Variants in CRPPA observed in about 807,000 individuals in gnomAD.
CRPPA encodes the protein D-ribitol-5-phosphate cytidylyltransferase.
CRPPA carries 43 observed loss-of-function variants against 52.0 expected under a neutral mutation model. That is an observed-to-expected ratio of 0.83 (90% CI 0.65 to 1.07). The LOEUF (loss-of-function observed/expected upper bound fraction) is 1.07. Ranked by LOEUF, CRPPA falls within the 50% of genes least tolerant of loss-of-function variation. The probability of loss-of-function intolerance (pLI) is 0.00; values close to 1 mark genes in which losing one functional copy is unlikely to be tolerated. For missense variants in CRPPA, 629 were observed against 551.7 expected, an observed-to-expected ratio of 1.14 and a Z score of -1.40; for synonymous variants, 250 against 203.5, an observed-to-expected ratio of 1.23 and a Z score of -1.94.
chr7:16,188,901 T>A (rs569772852), intron 9 of CRPPA, among the ~76,000 whole-genome samples: 1 of 152,322 alleles, frequency 6.6e-6, no homozygotes, highest in South Asian at 2.1e-4. Flanking sequence ...CCTTGAGAAG[T>A]TGCTTAACAA....
At chr7:16,338,833 T>G in intron 3 of CRPPA, among the ~76,000 whole-genome samples, 1 of 90,386 alleles carries the variant, frequency 1.1e-5, no homozygotes, top group South Asian at 3.0e-4. Flanking sequence ...TTTTTTTTTT[T>G]GAGACAGAGT....
chr7:16,385,792 G>C (rs1465669310), intron 2 of CRPPA, among the ~76,000 whole-genome samples: 1 of 152,140 alleles, frequency 6.6e-6, no homozygotes, highest in Non-Finnish European at 1.5e-5. Context: ...CCCCTCACAG[G>C]ACCTGCAACA....
rs1583591561 is a variant in CRPPA, at chr7:16,414,813, G to T, written c.257+6253C>A. 7.2e-5 allele frequency among the ~76,000 whole-genome samples: 11 copies of T among 152,290 alleles called. No homozygotes were observed. In the South Asian group the frequency reaches 1.9e-3, roughly 26 times the overall value. On this transcript the variant is annotated intron_variant, in intron 1 of 9. Transcript: ENST00000407010. ...ACATTTTTAATCAACTTCTGAAAGG[G>T]TCTAGTTCCCAGCATAAAGTAGAAA...
At chr7:16,194,751 T>C (rs897160525) in intron 9 of CRPPA, among the ~76,000 whole-genome samples, 1 of 152,064 alleles carries the variant, frequency 6.6e-6, no homozygotes, top group Non-Finnish European at 1.5e-5. Flanking sequence ...CCAAACTGAA[T>C]GATAGAGTAG....
intron 6 of CRPPA, among the ~76,000 whole-genome samples, chr7:16,263,707 G>A (rs932727044): frequency 2.6e-5 from 4 of 151,710 alleles, no homozygotes; most frequent in South Asian, 2.1e-4. Context: ...AGCTGAGATC[G>A]TGCCACTGCA....
At chr7:16,290,977 G>C (rs946395723) in intron 5 of CRPPA, among the ~76,000 whole-genome samples, 3 of 151,934 alleles carry the variant, frequency 2.0e-5, no homozygotes, top group Non-Finnish European at 2.9e-5. Flanking sequence ...GACACGAATA[G>C]GCATTTCTTA....
At chr7:16,140,363 C>T (rs1468644875) in intron 9 of CRPPA, among the ~76,000 whole-genome samples, 1 of 151,882 alleles carries the variant, frequency 6.6e-6, no homozygotes, top group Non-Finnish European at 1.5e-5. Flanking sequence ...TGGGGTTTCA[C>T]CATGTTGCCC....
chr7:16,130,869 G>A (rs1782668527), intron 9 of CRPPA, among the ~76,000 whole-genome samples: 1 of 152,056 alleles, frequency 6.6e-6, no homozygotes, highest in Non-Finnish European at 1.5e-5. Context: ...GGGTGATTAG[G>A]TCATAAGGAC....
chr7:16,332,771 TGTA>T (rs1583526533), intron 3 of CRPPA, among the ~76,000 whole-genome samples: 3 of 152,124 alleles, frequency 2.0e-5, no homozygotes, highest in Admixed American at 1.3e-4. Context: ...AGTTTAAAAA[TGTA>T]GTCAATATTA....
At chr7:16,162,339 C>G (rs1006795342) in intron 9 of CRPPA, among the ~76,000 whole-genome samples, 3 of 152,188 alleles carry the variant, frequency 2.0e-5, no homozygotes, top group African/African-American at 7.2e-5. Flanking sequence ...CCTCTAAACA[C>G]TGCTTTAGCT....
At chr7:16,164,819 A>G (rs1218955457) in intron 9 of CRPPA, among the ~76,000 whole-genome samples, 1 of 152,102 alleles carries the variant, frequency 6.6e-6, no homozygotes, top group Non-Finnish European at 1.5e-5. Context: ...CTGTTTGCCC[A>G]CGTATTGCCA....
In CRPPA at chr7:16,121,529, C is replaced by A. The variant is rs115446778; in HGVS notation, c.1252-29730G>T. 6.6e-3 allele frequency among the ~76,000 whole-genome samples: 996 copies of A among 152,052 alleles called. 13 individuals are homozygous for A. The highest frequency in any genetic ancestry group is 0.022 in the African/African-American group (916 of 41,498). ...CTTGAAAATTGGGACACTAATGATT[C>A]CCGAATTTGCAATATCCAGACAAAA... is the stretch of plus-strand genomic sequence containing the variant. On this transcript the variant is annotated intron_variant, in intron 9 of 9. Coordinates refer to ENST00000407010, the MANE Select transcript of CRPPA (RefSeq NM_001101426.4).
chr7:16,136,879 T>A (rs1224774406), intron 9 of CRPPA, among the ~76,000 whole-genome samples: 1 of 141,842 alleles, frequency 7.1e-6, no homozygotes, highest in Non-Finnish European at 1.6e-5. Flanking sequence ...TATCTAAAAG[T>A]ATTCCCTATA....
At chr7:16,159,385 C>T (rs181095769) in intron 9 of CRPPA, among the ~76,000 whole-genome samples, 4 of 152,114 alleles carry the variant, frequency 2.6e-5, no homozygotes, top group Non-Finnish European at 1.5e-5. Flanking sequence ...TTATTGTGTT[C>T]CCCTCCCTGT....
chr7:16,205,405 ACT>A (rs899214931), intron 9 of CRPPA, among the ~76,000 whole-genome samples: 2 of 152,128 alleles, frequency 1.3e-5, no homozygotes, highest in Non-Finnish European at 2.9e-5. Flanking sequence ...TACGAATGAG[ACT>A]CTGAAATTAT....
At chr7:16,396,636 C>A (rs1270676762) in intron 2 of CRPPA, among the ~76,000 whole-genome samples, 2 of 152,218 alleles carry the variant, frequency 1.3e-5, no homozygotes, top group Non-Finnish European at 2.9e-5. Context: ...ATATATGTAG[C>A]AGCACAACTT....
At chr7:16,378,702 G>T (rs1454385529) in intron 2 of CRPPA, among the ~76,000 whole-genome samples, 1 of 150,094 alleles carries the variant, frequency 6.7e-6, no homozygotes, top group Non-Finnish European at 1.5e-5. Flanking sequence ...TTCCACAATG[G>T]TTGAACTAGT....
At chr7:16,283,469 A>G (rs1020949889) in intron 5 of CRPPA, among the ~76,000 whole-genome samples, 1 of 150,124 alleles carries the variant, frequency 6.7e-6, no homozygotes, top group African/African-American at 2.4e-5. Flanking sequence ...ATGATACTGT[A>G]TCTATGGGTA....
intron 5 of CRPPA, among the ~76,000 whole-genome samples, chr7:16,291,949 T>G (rs1291154579): frequency 1.3e-5 from 2 of 151,926 alleles, no homozygotes; most frequent in African/African-American, 4.8e-5. Flanking sequence ...CATTTACTTA[T>G]TTCCATCTGG....
Sources: allele counts gnomAD v4.1 joint callset (sites outside exome capture counted in the v4.1 genomes callset), GRCh38; gene constraint gnomAD v4.1.1; transcripts MANE v1.5; gene names NCBI Gene and HGNC (gene_info 2026-07-23, HGNC 2026-07-21).